HIVEP3: variants seen among roughly 807,000 people sequenced by gnomAD.
The protein encoded by HIVEP3 is transcription factor HIVEP3.
HIVEP3 carries 49 observed loss-of-function variants against 152.8 expected under a neutral mutation model. The observed-to-expected ratio is 0.32, with a 90% CI of 0.26 to 0.41. The LOEUF (loss-of-function observed/expected upper bound fraction) is 0.41, where lower values mean the gene tolerates loss of function less well. Among genes scored for constraint, HIVEP3 ranks in the 10% least tolerant of loss-of-function variants. The probability of loss-of-function intolerance (pLI) is 1.00; values close to 1 mark genes in which losing one functional copy is unlikely to be tolerated. For synonymous variants in HIVEP3, 1,269 were observed against 1,289.0 expected (o/e 0.98, Z 0.33); for missense variants, 2,790 against 3,103.3 (o/e 0.90, Z 2.40).
intron 1 of HIVEP3, among the ~76,000 whole-genome samples, chr1:41,893,946 A>G (rs1644490532): frequency 6.7e-6 from 1 of 149,864 alleles, no homozygotes; most frequent in Non-Finnish European, 1.5e-5. Context: ...TCTGAGACGA[A>G]GTCTCACTCT....
chr1:41,789,296 T>C (rs965045049), intron 1 of HIVEP3, among the ~76,000 whole-genome samples: 2 of 152,204 alleles, frequency 1.3e-5, no homozygotes, highest in African/African-American at 4.8e-5. Context: ...TGCTTCAGTT[T>C]CCTCATCTGT....
chr1:41,752,092 T>C (rs1306083988), intron 1 of HIVEP3, among the ~76,000 whole-genome samples: 1 of 152,250 alleles, frequency 6.6e-6, no homozygotes. Context: ...TCTCCTTCTC[T>C]GGTTCCTCAC....
At chr1:41,638,258 G>GAAAGAAAAT (rs148935488) in intron 2 of HIVEP3, among the ~76,000 whole-genome samples, 1 of 139,866 alleles carries the variant, frequency 7.1e-6, no homozygotes, top group East Asian at 2.1e-4. Context: ...GAAAGAGAGA[G>GAAAGAAAAT]AAAGAAAGAA....
intron 1 of HIVEP3, among the ~76,000 whole-genome samples, chr1:41,797,664 T>C (rs1343596597): frequency 6.6e-6 from 1 of 152,180 alleles, no homozygotes; most frequent in East Asian, 1.9e-4. Flanking sequence ...GGGCTTCTCA[T>C]GAAAACAAAT....
At position 41,507,083 on chromosome 1, in the gene HIVEP3, A is replaced by T. The variant is rs1189339854; in HGVS notation, c.*3368T>A. ...GGTCCCCAAGGACAGGTGCTCAGCC[A>T]GGACTTTTGCTTTAAGAAGGATTTG... On this transcript the variant is annotated 3_prime_UTR_variant, in exon 9 of 9. Coordinates refer to ENST00000372583, the MANE Select transcript of HIVEP3 (RefSeq NM_024503.5). 6.6e-6 allele frequency: 1 copy of T among 152,192 alleles called. No homozygotes were observed. Among genetic ancestry groups the T allele is most frequent in the South Asian group, 2.1e-4 (1 of 4,830 alleles). The allele number at this position is 152,192 out of a possible 1,614,324, so 9.4% of individuals were successfully genotyped here.
At chr1:41,749,791 G>A (rs1647130414) in intron 1 of HIVEP3, among the ~76,000 whole-genome samples, 1 of 152,150 alleles carries the variant, frequency 6.6e-6, no homozygotes, top group African/African-American at 2.4e-5. Flanking sequence ...GCTTCAGCAT[G>A]TGCTCTACGG....
At chr1:41,935,542 C>A (rs187697530) in intron 1 of HIVEP3, among the ~76,000 whole-genome samples, 2 of 152,074 alleles carry the variant, frequency 1.3e-5, no homozygotes, top group Admixed American at 1.3e-4. Flanking sequence ...GTGAACATGA[C>A]AACTGACCTT....
Position 41,511,844 on chromosome 1 carries a change from G to T in HIVEP3, c.6406-578C>A, listed in dbSNP as rs1642429932. ...AGCTGACAATGATGGTGCTATCGGT[G>T]GAGGGGTCATGGCAGCTGAGGGGAC... On this transcript the variant is annotated intron_variant, in intron 8 of 8. Transcript: ENST00000372583. This position sits in a 1 kb window ranked among gnomAD's most constrained non-coding sequence, Gnocchi z 4.9. Among the ~76,000 whole-genome samples the T allele has an allele frequency of 6.6e-6, 1 of 152,200 alleles. No homozygotes were observed. Among genetic ancestry groups the T allele is most frequent in the Non-Finnish European group, 1.5e-5 (1 of 68,038 alleles).
chr1:41,819,744 T>C lies in HIVEP3; in HGVS notation c.-801+98669A>G, dbSNP rs1015025346. ...GGGGTTTTTCTTGTAGTTAGAGATG[T>C]TTATGATATTGGGATTTTAAAAATT... On this transcript the variant is annotated intron_variant, in intron 1 of 8. Transcript: ENST00000372583. 9.2e-5 allele frequency among the ~76,000 whole-genome samples: 14 copies of C among 152,330 alleles called. No individual in the cohort carries two copies. The East Asian group carries it at 2.7e-3, about 29-fold the overall frequency.
At chr1:41,633,997 A>T (rs928155974) in intron 2 of HIVEP3, among the ~76,000 whole-genome samples, 2 of 152,204 alleles carry the variant, frequency 1.3e-5, no homozygotes, top group Non-Finnish European at 2.9e-5. Flanking sequence ...ATCATTTACA[A>T]CAGGGCAGAC....
At position 41,831,965 on chromosome 1, in the gene HIVEP3, AG is replaced by A. The variant is rs1176898313; in HGVS notation, c.-801+86447del. On this transcript the variant is annotated intron_variant, in intron 1 of 8. Coordinates refer to ENST00000372583, the MANE Select transcript of HIVEP3 (RefSeq NM_024503.5). ...GAACTAATAAGTAAGTGATGGAGCC[AG>A]GGTTGGAATCTGGACAGTCAGGGTC... Among the ~76,000 whole-genome samples the A allele has an allele frequency of 4.6e-5, 7 of 152,208 alleles. No homozygotes were observed. In the East Asian group the frequency reaches 1.3e-3, roughly 29 times the overall value.
chr1:41,611,080 C>T (rs1428297241), intron 3 of HIVEP3, among the ~76,000 whole-genome samples: 1 of 152,182 alleles, frequency 6.6e-6, no homozygotes, highest in Admixed American at 6.5e-5. Context: ...GGTGTGGGGG[C>T]AGAAGGGTGA....
At chr1:41,842,197 A>G (rs994625436) in intron 1 of HIVEP3, among the ~76,000 whole-genome samples, 1 of 152,152 alleles carries the variant, frequency 6.6e-6, no homozygotes, top group Non-Finnish European at 1.5e-5. Context: ...CTAAAGTAAC[A>G]TCTAACAAAA....
chr1:41,567,287 T>C (rs1419364853), intron 5 of HIVEP3, among the ~76,000 whole-genome samples: 1 of 152,236 alleles, frequency 6.6e-6, no homozygotes, highest in Non-Finnish European at 1.5e-5. Context: ...GCCATGTTCC[T>C]GGTCTAAACC....
chr1:41,803,469 T>C (rs1214125988), intron 1 of HIVEP3, among the ~76,000 whole-genome samples: 1 of 152,188 alleles, frequency 6.6e-6, no homozygotes, highest in African/African-American at 2.4e-5. Context: ...ATTCCTGTCA[T>C]GTCCTAACAG....
At chr1:41,659,731 G>A (rs983293468) in intron 2 of HIVEP3, among the ~76,000 whole-genome samples, 11 of 152,184 alleles carry the variant, frequency 7.2e-5, no homozygotes, top group African/African-American at 1.9e-4. Flanking sequence ...AGCAATAGTC[G>A]GCCAATATCC....
chr1:42,007,501 G>T (rs770651285), intron 1 of HIVEP3, among the ~76,000 whole-genome samples: 19 of 152,186 alleles, frequency 1.2e-4, no homozygotes, highest in South Asian at 4.1e-4. Context: ...GCAATTTAAG[G>T]ATTTTCAAGG....
At chr1:41,759,206 C>T (rs1400776856) in intron 1 of HIVEP3, among the ~76,000 whole-genome samples, 2 of 145,662 alleles carry the variant, frequency 1.4e-5, no homozygotes, top group Non-Finnish European at 3.0e-5. Flanking sequence ...ACTGCAATTA[C>T]TTTTGCACCA....
rs1007167812 is a variant in HIVEP3 at position 41,526,053 on chromosome 1, G to A, written c.5208-1143C>T. On this transcript the variant is annotated intron_variant, in intron 5 of 8. Coordinates refer to ENST00000372583, the MANE Select transcript of HIVEP3 (RefSeq NM_024503.5). ...CCCCTGCCTGGTTCCAGCACAGAGGGGCAGGAGGTGGCTGGGAGGAGGTGA... is the reference window on the plus strand; with the variant it reads ...CCCCTGCCTGGTTCCAGCACAGAGGAGCAGGAGGTGGCTGGGAGGAGGTGA... Among the ~76,000 whole-genome samples the A allele has an allele frequency of 3.3e-5, 5 of 152,056 alleles. No homozygotes were observed. The East Asian group carries it at 5.8e-4, about 18-fold the overall frequency.
Sources: allele counts gnomAD v4.1 joint callset (sites outside exome capture counted in the v4.1 genomes callset), GRCh38; gene constraint gnomAD v4.1.1; non-coding constraint Gnocchi (gnomAD v3.1); transcripts MANE v1.5; gene names NCBI Gene and HGNC (gene_info 2026-07-23, HGNC 2026-07-21).